Variants in CDH12 observed in about 807,000 individuals in gnomAD.
The protein encoded by CDH12 is cadherin 12.
Under a neutral mutation model 74.1 loss-of-function variants are expected in CDH12, and 41 were observed. The observed-to-expected ratio is 0.55, with a 90% confidence interval of 0.43 to 0.72. The LOEUF is 0.72. Among genes scored for constraint, CDH12 ranks in the 30% least tolerant of loss-of-function variants. The probability of loss-of-function intolerance (pLI) is 0.00; values close to 1 mark genes in which losing one functional copy is unlikely to be tolerated. For missense variants in CDH12, 945 were observed against 977.2 expected, an observed-to-expected ratio of 0.97 and a Z score of 0.44; for synonymous variants, 399 against 355.0, an observed-to-expected ratio of 1.12 and a Z score of -1.39.
intron 1 of CDH12, among the ~76,000 whole-genome samples, chr5:22,714,327 G>A (rs1743460044): frequency 6.6e-6 from 1 of 152,168 alleles, no homozygotes; most frequent in Non-Finnish European, 1.5e-5. Context: ...CATGTATGAT[G>A]GGAGAGTTTC....
At chr5:22,761,386 C>A (rs1441954561) in intron 1 of CDH12, among the ~76,000 whole-genome samples, 1 of 152,090 alleles carries the variant, frequency 6.6e-6, no homozygotes, top group African/African-American at 2.4e-5. Context: ...ACGGAAAATG[C>A]CTGGAGAAGG....
chr5:22,693,018 C>CT (rs199949437), intron 1 of CDH12, among the ~76,000 whole-genome samples: 309 of 144,086 alleles, frequency 2.1e-3, no homozygotes, highest in Middle Eastern at 7.1e-3. Flanking sequence ...TTTTTAATTT[C>CT]TTTTTTTTTT....
intron 3 of CDH12, among the ~76,000 whole-genome samples, chr5:22,357,472 T>A (rs1207677349): frequency 6.6e-6 from 1 of 152,124 alleles, no homozygotes; most frequent in African/African-American, 2.4e-5. Flanking sequence ...TCATGATTTG[T>A]AAAAATGAAA....
intron 3 of CDH12, among the ~76,000 whole-genome samples, chr5:22,380,013 C>G (rs1480956672): frequency 1.3e-5 from 2 of 152,174 alleles, no homozygotes; most frequent in African/African-American, 2.4e-5. Flanking sequence ...CCTGCCTTGG[C>G]CTCCCAAAGT....
chr5:22,227,894 G>A (rs1752249800), intron 3 of CDH12, among the ~76,000 whole-genome samples: 2 of 152,086 alleles, frequency 1.3e-5, no homozygotes. Context: ...TAATGTGAAT[G>A]CTTTCGGATT....
At chr5:22,363,123 T>C (rs924842266) in intron 3 of CDH12, among the ~76,000 whole-genome samples, 17 of 152,038 alleles carry the variant, frequency 1.1e-4, no homozygotes, top group African/African-American at 2.4e-5. Context: ...TGGAGCTCTG[T>C]GTATATTAGA....
chr5:22,354,276 T>C (rs1740473592), intron 3 of CDH12, among the ~76,000 whole-genome samples: 1 of 152,162 alleles, frequency 6.6e-6, no homozygotes, highest in South Asian at 2.1e-4. Flanking sequence ...CCAGGAATTC[T>C]TAAAGGACTA....
intron 1 of CDH12, among the ~76,000 whole-genome samples, chr5:22,736,416 A>C (rs1744727998): frequency 6.6e-6 from 1 of 151,784 alleles, no homozygotes; most frequent in African/African-American, 2.4e-5. Context: ...AAGAAAGGTA[A>C]TTGTATTTAG....
At chr5:22,356,655 A>G (rs1740573858) in intron 3 of CDH12, among the ~76,000 whole-genome samples, 1 of 152,156 alleles carries the variant, frequency 6.6e-6, no homozygotes, top group African/African-American at 2.4e-5. Context: ...ATATTGGTTC[A>G]GGTCATATTG....
intron 6 of CDH12, among the ~76,000 whole-genome samples, chr5:21,934,795 C>CT (rs200526888): frequency 0.014 from 2,042 of 150,654 alleles, 26 homozygotes; most frequent in African/African-American, 0.038. Flanking sequence ...TCCTTTTCTC[C>CT]TTTTTTTTTG....
At position 22,566,635 on chromosome 5, in the gene CDH12, C is replaced by T. The variant is rs541810997; in HGVS notation, c.-522-61271G>A. On this transcript the variant is annotated intron_variant, in intron 1 of 14. Transcript: ENST00000382254. ...TCCTAGAATCTTTCTTCTCAGTTTT[C>T]GCTTTTGTTGTCCTTGGTTTATTGA... is the stretch of plus-strand genomic sequence containing the variant. Among the ~76,000 whole-genome samples, 6 of 152,220 alleles carry T rather than the reference C, an allele frequency of 3.9e-5. 1 individual carries two copies. The South Asian group carries it at 8.3e-4, about 21-fold the overall frequency.
chr5:22,036,989 T>C (rs568138139), intron 5 of CDH12, among the ~76,000 whole-genome samples: 2 of 152,334 alleles, frequency 1.3e-5, no homozygotes, highest in East Asian at 3.9e-4. Context: ...TGGTAGTTTT[T>C]GTTAATCAAC....
At chr5:22,594,579 G>A (rs1027222712) in intron 1 of CDH12, among the ~76,000 whole-genome samples, 2 of 152,022 alleles carry the variant, frequency 1.3e-5, no homozygotes, top group Non-Finnish European at 2.9e-5. Flanking sequence ...AATATACTTG[G>A]AAGAATTCCT....
intron 3 of CDH12, among the ~76,000 whole-genome samples, chr5:22,253,606 G>A (rs145471600): frequency 2.0e-5 from 3 of 151,514 alleles, no homozygotes; most frequent in South Asian, 2.1e-4. Flanking sequence ...TCTGATTTCC[G>A]AAGTATTGAT....
At chr5:22,558,659 C>T (rs773828735) in intron 1 of CDH12, among the ~76,000 whole-genome samples, 1 of 151,668 alleles carries the variant, frequency 6.6e-6, no homozygotes, top group Admixed American at 6.6e-5. Flanking sequence ...GGGGAAAAAA[C>T]CATAAAACTT....
At chr5:22,127,158 A>G (rs1745915594) in intron 4 of CDH12, among the ~76,000 whole-genome samples, 1 of 152,148 alleles carries the variant, frequency 6.6e-6, no homozygotes, top group South Asian at 2.1e-4. Flanking sequence ...CATATAAAAG[A>G]TGAGCTATAA....
At chr5:22,511,202 A>G (rs971930573) in intron 1 of CDH12, among the ~76,000 whole-genome samples, 1 of 152,244 alleles carries the variant, frequency 6.6e-6, no homozygotes, top group African/African-American at 2.4e-5. Flanking sequence ...GCCAACATAT[A>G]TAATTTTTAT....
At chr5:21,806,982 C>T (rs912251123) in intron 9 of CDH12, among the ~76,000 whole-genome samples, 3 of 152,164 alleles carry the variant, frequency 2.0e-5, no homozygotes, top group African/African-American at 4.8e-5. Flanking sequence ...TGATAGTGGC[C>T]TGAATTCTGC....
intron 9 of CDH12, among the ~76,000 whole-genome samples, chr5:21,804,696 A>G (rs1579734780): frequency 6.9e-6 from 1 of 145,568 alleles, no homozygotes; most frequent in East Asian, 2.0e-4. Flanking sequence ...ACACACACAT[A>G]GATGTTTTAC....
Sources: allele counts gnomAD v4.1 joint callset (sites outside exome capture counted in the v4.1 genomes callset), GRCh38; gene constraint gnomAD v4.1.1; transcripts MANE v1.5; gene names NCBI Gene and HGNC (gene_info 2026-07-23, HGNC 2026-07-21).